SV2B: variants seen among roughly 807,000 people sequenced by gnomAD.
SV2B encodes synaptic vesicle glycoprotein 2B.
A neutral mutation model predicts 73.9 loss-of-function variants in SV2B; 41 were observed. The ratio of observed to expected loss-of-function variants is 0.56; its 90% CI spans 0.43 to 0.72. The LOEUF is 0.72. SV2B is among the 30% of genes least tolerant of loss of function. The probability of loss-of-function intolerance (pLI) is 0.00; values close to 1 mark genes in which losing one functional copy is unlikely to be tolerated. For synonymous variants in SV2B, 314 were observed against 314.2 expected (o/e 1.00, Z 0.01); for missense variants, 764 against 857.8 (o/e 0.89, Z 1.37).
rs1272788876 is a variant in SV2B at position 91,100,258 on chromosome 15, CCCGGATCGCCCAGCTCCGCGTTAG to C, written c.-491_-468del. The C allele has an allele frequency of 6.6e-6, 1 of 152,094 alleles. No homozygotes were observed. The highest frequency in any genetic ancestry group is 1.9e-4 in the East Asian group (1 of 5,184). The allele number at this position is 152,094 out of a possible 1,614,324, so 9.4% of individuals were successfully genotyped here. A position where few individuals can be genotyped will look rare whatever the true frequency, so the allele number is the denominator to read the frequency against. On this transcript the variant is annotated 5_prime_UTR_variant, in exon 1 of 13. Coordinates refer to ENST00000394232, the MANE Select transcript of SV2B (RefSeq NM_001323032.3). The surrounding 1 kb of genome is among the most constrained non-coding windows in gnomAD (Gnocchi z 6.4). ...TGACACCCGCCGGCGCCTGCCTCCG[CCCGGATCGCCCAGCTCCGCGTTAG>C]CCGGAGCTGCACGCGGGGCTGCCGG...
At chr15:91,257,214 T>C (rs2141635728) in intron 4 of SV2B, among the ~76,000 whole-genome samples, 2 of 152,286 alleles carry the variant, frequency 1.3e-5, no homozygotes, top group South Asian at 4.1e-4. Context: ...CTAAAAAAAA[T>C]CAATGTACTC....
intron 1 of SV2B, among the ~76,000 whole-genome samples, chr15:91,192,111 A>G (rs1172436014): frequency 1.3e-5 from 2 of 152,158 alleles, no homozygotes; most frequent in Non-Finnish European, 2.9e-5. Flanking sequence ...GATTTTATAC[A>G]TTTTTAAAAG....
chr15:91,189,808 G>A (rs2044932658), intron 1 of SV2B, among the ~76,000 whole-genome samples: 1 of 152,172 alleles, frequency 6.6e-6, no homozygotes, highest in Non-Finnish European at 1.5e-5. Context: ...CTAACACAGT[G>A]AAACACTATC....
At chr15:91,145,381 G>A (rs1388579174) in intron 1 of SV2B, among the ~76,000 whole-genome samples, 2 of 152,092 alleles carry the variant, frequency 1.3e-5, no homozygotes, top group African/African-American at 4.8e-5. Context: ...TCTTTATTCA[G>A]TGTACCATTG....
At chr15:91,134,523 T>C (rs2042758745) in intron 1 of SV2B, among the ~76,000 whole-genome samples, 1 of 152,074 alleles carries the variant, frequency 6.6e-6, no homozygotes, top group Admixed American at 6.6e-5. Flanking sequence ...AGGGGGTGCT[T>C]TTTACAAATG....
At chr15:91,206,211 T>G (rs867645275) in intron 1 of SV2B, among the ~76,000 whole-genome samples, 1 of 149,970 alleles carries the variant, frequency 6.7e-6, no homozygotes. Flanking sequence ...CTTTTTTTTT[T>G]TTTTTTTTTT....
At position 91,115,290 on chromosome 15, in the gene SV2B, T is replaced by C. The variant is rs1300679586; in HGVS notation, c.-392+14927T>C. Among the ~76,000 whole-genome samples the C allele has an allele frequency of 6.6e-6, 1 of 152,182 alleles. No individual in the cohort carries two copies. Among genetic ancestry groups the C allele is most frequent in the Middle Eastern group, 3.2e-3 (1 of 316 alleles). On this transcript the variant is annotated intron_variant, in intron 1 of 12. Coordinates refer to ENST00000394232, the MANE Select transcript of SV2B (RefSeq NM_001323032.3). The surrounding 1 kb of genome is among the most constrained non-coding windows in gnomAD (Gnocchi z 4.3). ...GTCCACCACACACACTGAGCTGGCTTCTGTTGCTGAAATAAAGATAACACA... is the reference window on the plus strand; with the variant it reads ...GTCCACCACACACACTGAGCTGGCTCCTGTTGCTGAAATAAAGATAACACA...
intron 9 of SV2B, among the ~76,000 whole-genome samples, chr15:91,274,958 C>T (rs1445998891): frequency 6.6e-6 from 1 of 152,060 alleles, no homozygotes; most frequent in African/African-American, 2.4e-5. Flanking sequence ...TCTCCAGCAT[C>T]TTTCTGATCA....
chr15:91,257,890 G>A (rs1339859797), intron 4 of SV2B, among the ~76,000 whole-genome samples: 2 of 152,182 alleles, frequency 1.3e-5, no homozygotes, highest in African/African-American at 4.8e-5. Flanking sequence ...CATCACAGTG[G>A]TGTGTCCACG....
At chr15:91,260,208 T>G in intron 5 of SV2B, 112 bp from the exon 6 acceptor site, 2 of 926,184 alleles carry the variant, frequency 2.2e-6, no homozygotes, top group Admixed American at 2.4e-5. Context: ...TCAGACCTGC[T>G]AGGAATGCTC....
chr15:91,169,327 C>T (rs528567718), intron 1 of SV2B, among the ~76,000 whole-genome samples: 90 of 152,280 alleles, frequency 5.9e-4, no homozygotes, highest in Admixed American at 2.1e-3. Flanking sequence ...GTCTATTTCA[C>T]TCTCCTGCAT....
rs1234842094 is a variant in SV2B, at chr15:91,252,616, C to T, written c.784+96C>T. ...TCCTCAGCCTTATTCCATGTACTCA[C>T]GCACAGTTCCCGTACGTGACCTTGA... On this transcript the variant is annotated intron_variant, in intron 4 of 12. Transcript: ENST00000394232. The surrounding 1 kb of genome is among the most constrained non-coding windows in gnomAD (Gnocchi z 4.6). The T allele has an allele frequency of 5.4e-5, 72 of 1,321,568 alleles. No individual in the cohort carries two copies. The highest frequency in any genetic ancestry group is 5.3e-4 in the East Asian group (19 of 36,156). The allele number at this position is 1,321,568 out of a possible 1,614,324, so 81.9% of individuals were successfully genotyped here. A position where few individuals can be genotyped will look rare whatever the true frequency, so the allele number is the denominator to read the frequency against.
intron 1 of SV2B, among the ~76,000 whole-genome samples, chr15:91,201,621 T>C (rs751234658): frequency 1.3e-5 from 2 of 152,228 alleles, no homozygotes. Flanking sequence ...AAAGCTGCTC[T>C]TCCCACAGGC....
intron 2 of SV2B, among the ~76,000 whole-genome samples, chr15:91,238,464 C>T (rs1389592242): frequency 6.6e-6 from 1 of 152,220 alleles, no homozygotes; most frequent in African/African-American, 2.4e-5. Flanking sequence ...GTTGCTTCTC[C>T]TTTATCTTGC....
In SV2B at chr15:91,123,028, T is replaced by C. The variant is rs1030199296; in HGVS notation, c.-392+22665T>C. ...ACTCACTCCTGTAATCCCAACACTT[T>C]GGGAGGCTGAGGTGGGAGGATCACT... On this transcript the variant is annotated intron_variant, in intron 1 of 12. Transcript: ENST00000394232. The surrounding 1 kb of genome is among the most constrained non-coding windows in gnomAD (Gnocchi z 4.7). 3.3e-5 allele frequency among the ~76,000 whole-genome samples: 5 copies of C among 152,342 alleles called. No homozygotes were observed. In the South Asian group the frequency reaches 1.0e-3, roughly 32 times the overall value.
intron 1 of SV2B, among the ~76,000 whole-genome samples, chr15:91,217,422 G>C (rs912073306): frequency 3.3e-5 from 5 of 152,102 alleles, no homozygotes; most frequent in African/African-American, 7.2e-5. Flanking sequence ...TGAACGTTTG[G>C]GGGGAGGGGG....
intron 1 of SV2B, among the ~76,000 whole-genome samples, chr15:91,159,188 C>T (rs940416562): frequency 2.6e-5 from 4 of 152,160 alleles, no homozygotes; most frequent in Admixed American, 1.3e-4. Context: ...TTGCCAAGCT[C>T]CCCACCACCT....
chr15:91,133,923 G>T (rs570147664), intron 1 of SV2B, among the ~76,000 whole-genome samples: 16 of 151,596 alleles, frequency 1.1e-4, no homozygotes, highest in Non-Finnish European at 2.2e-4. Flanking sequence ...AGGGCTTTTT[G>T]CAGGATGCTT....
Position 91,267,659 on chromosome 15 carries a change from C to T in SV2B, c.1208+16C>T, listed in dbSNP as rs951856107. On this transcript the variant is annotated intron_variant, in intron 8 of 12. Coordinates refer to ENST00000394232, the MANE Select transcript of SV2B (RefSeq NM_001323032.3). The surrounding 1 kb of genome is among the most constrained non-coding windows in gnomAD (Gnocchi z 4.3). ...TGGCATTCAGGTAAGTTCTGTCTTACTTAAATTTCGTAATTCCCTGTGCCT... is the reference window on the plus strand; with the variant it reads ...TGGCATTCAGGTAAGTTCTGTCTTATTTAAATTTCGTAATTCCCTGTGCCT... 5 of 1,601,796 alleles carry T rather than the reference C, an allele frequency of 3.1e-6. No individual in the cohort carries two copies. In the Admixed American group the frequency reaches 8.5e-5, roughly 27 times the overall value.
Sources: allele counts gnomAD v4.1 joint callset (sites outside exome capture counted in the v4.1 genomes callset), GRCh38; gene constraint gnomAD v4.1.1; non-coding constraint Gnocchi (gnomAD v3.1); transcripts MANE v1.5; gene names NCBI Gene and HGNC (gene_info 2026-07-23, HGNC 2026-07-21).